The following MYO3B variants were observed in gnomAD, a reference collection of about 807,000 sequenced individuals.
MYO3B encodes myosin IIIB, also known as myosin-IIIb.
Under a neutral mutation model 174.6 loss-of-function variants are expected in MYO3B, and 156 were observed. The observed-to-expected ratio is 0.89, with a 90% CI of 0.78 to 1.02. MYO3B has a LOEUF of 1.02. Among genes scored for constraint, MYO3B ranks in the 50% least tolerant of loss-of-function variants. The pLI is 0.00. For missense variants in MYO3B, 1,632 were observed against 1,639.4 expected (o/e 1.00, Z 0.08); for synonymous variants, 563 against 569.1 (o/e 0.99, Z 0.15).
intron 22 of MYO3B, among the ~76,000 whole-genome samples, chr2:170,442,831 C>G (rs1159570551): frequency 6.6e-6 from 1 of 152,188 alleles, no homozygotes; most frequent in Non-Finnish European, 1.5e-5. Context: ...AGGACATGAA[C>G]TCATCCTTTT....
chr2:170,382,460 A>G (rs1273570149), intron 10 of MYO3B: 1 of 181,434 alleles, frequency 5.5e-6, no homozygotes, highest in African/African-American at 2.3e-5. Context: ...CTTCATAAGA[A>G]AGAGCTTCAT....
At chr2:170,381,986 A>T in intron 9 of MYO3B, 30 bp from the exon 10 acceptor site, 1 of 1,578,406 alleles carries the variant, frequency 6.3e-7, no homozygotes, top group Non-Finnish European at 8.7e-7. Flanking sequence ...TTGCTGTCTT[A>T]ATGCTTAAAC....
chr2:170,432,808 C>CTTG (rs2105888323), intron 22 of MYO3B, among the ~76,000 whole-genome samples: 1 of 152,192 alleles, frequency 6.6e-6, no homozygotes, highest in Non-Finnish European at 1.5e-5. Context: ...ATCTCCTGAC[C>CTTG]TTGTGATCCA....
At chr2:170,382,182 T>G in intron 10 of MYO3B, 70 bp downstream of exon 10, 4 of 1,251,072 alleles carry the variant, frequency 3.2e-6, no homozygotes, top group Non-Finnish European at 4.7e-6. Flanking sequence ...AACTTTCTGT[T>G]GTAGACCATG....
At position 170,653,651 on chromosome 2, in the gene MYO3B, C is replaced by G. The variant is rs1379860333; in HGVS notation, c.*530C>G. On this transcript the variant is annotated 3_prime_UTR_variant, in exon 35 of 35. Coordinates refer to ENST00000408978, the MANE Select transcript of MYO3B (RefSeq NM_138995.5). ...GAGTGCCCCATCCTGGAGGATTGGCCCCAAGATCTCCTAGAACAGGATAAT... is the reference window on the plus strand; with the variant it reads ...GAGTGCCCCATCCTGGAGGATTGGCGCCAAGATCTCCTAGAACAGGATAAT... 1 of 154,418 alleles carries G rather than the reference C, an allele frequency of 6.5e-6. No homozygotes were observed. Among genetic ancestry groups the G allele is most frequent in the Non-Finnish European group, 1.4e-5 (1 of 69,520 alleles). The allele number at this position is 154,418 out of a possible 1,614,324, so 9.6% of individuals were successfully genotyped here. A position where few individuals can be genotyped will look rare whatever the true frequency, so the allele number is the denominator to read the frequency against.
intron 22 of MYO3B, among the ~76,000 whole-genome samples, chr2:170,432,603 G>A (rs190623287): frequency 1.3e-5 from 2 of 149,754 alleles, no homozygotes; most frequent in African/African-American, 4.9e-5. Flanking sequence ...TTGAGACGGA[G>A]TCTTGCTCTG....
At chr2:170,588,589 T>C (rs1212136010) in intron 32 of MYO3B, among the ~76,000 whole-genome samples, 1 of 151,998 alleles carries the variant, frequency 6.6e-6, no homozygotes, top group Non-Finnish European at 1.5e-5. Context: ...ATTTTGCATA[T>C]TGTTGATGAT....
At chr2:170,248,775 C>G (rs2105325582) in intron 7 of MYO3B, among the ~76,000 whole-genome samples, 1 of 152,248 alleles carries the variant, frequency 6.6e-6, no homozygotes, top group East Asian at 1.9e-4. Context: ...GATAATCTTC[C>G]TATTTTGTCA....
intron 30 of MYO3B, among the ~76,000 whole-genome samples, chr2:170,539,995 G>C (rs1229868025): frequency 6.6e-6 from 1 of 152,022 alleles, no homozygotes; most frequent in Non-Finnish European, 1.5e-5. Context: ...ATAGTCTTAT[G>C]GTACACTGCT....
intron 8 of MYO3B, chr2:170,340,271 C>T (rs1331347165): frequency 2.0e-5 from 3 of 152,102 alleles, no homozygotes; most frequent in Non-Finnish European, 4.4e-5. Flanking sequence ...CATCAGTGGT[C>T]CTTGAGCCGA....
At chr2:170,355,296 T>C (rs1457275680) in intron 8 of MYO3B, among the ~76,000 whole-genome samples, 1 of 152,254 alleles carries the variant, frequency 6.6e-6, no homozygotes, top group African/African-American at 2.4e-5. Flanking sequence ...TAAGTTGTTA[T>C]GAAAATCTGG....
In MYO3B at chr2:170,230,789, T is replaced by C. The variant is rs536626715; in HGVS notation, c.604-5202T>C. On this transcript the variant is annotated intron_variant, in intron 6 of 34. Transcript: ENST00000408978. ...ATCTACTATTAACATTTTAGTGCCA[T>C]AGTAAAAGCTGAATAACCAGCATTT... 1.3e-4 allele frequency among the ~76,000 whole-genome samples: 20 copies of C among 152,256 alleles called. No homozygotes were observed. The South Asian group carries it at 3.5e-3, about 27-fold the overall frequency.
chr2:170,568,092 G>C (rs1427507848), intron 32 of MYO3B, among the ~76,000 whole-genome samples: 2 of 152,188 alleles, frequency 1.3e-5, no homozygotes, highest in South Asian at 2.1e-4. Context: ...CTTGATCTCT[G>C]TTTACCAGAC....
chr2:170,646,833 G>A (rs1469252633), intron 32 of MYO3B: 1 of 818,684 alleles, frequency 1.2e-6, no homozygotes. Context: ...TTGTTAAATT[G>A]AAGCTGTTCG....
chr2:170,188,038 T>C (rs1008961781), intron 1 of MYO3B, among the ~76,000 whole-genome samples: 8 of 152,230 alleles, frequency 5.3e-5, no homozygotes, highest in African/African-American at 1.7e-4. Flanking sequence ...TCTGTCTGGA[T>C]GATCTGTTCG....
At chr2:170,187,921 T>TG (rs1242094950) in intron 1 of MYO3B, among the ~76,000 whole-genome samples, 1 of 152,242 alleles carries the variant, frequency 6.6e-6, no homozygotes, top group Non-Finnish European at 1.5e-5. Context: ...ATATATGTGC[T>TG]GGGGAAAATG....
At position 170,214,299 on chromosome 2, in the gene MYO3B, C is replaced by T. The variant is rs541972392; in HGVS notation, c.322-80C>T. 536 of 1,137,998 alleles carry T rather than the reference C, an allele frequency of 4.7e-4. 3 individuals carry two copies. Among genetic ancestry groups the T allele is most frequent in the Non-Finnish European group, 6.4e-4 (493 of 773,330 alleles). The allele number at this position is 1,137,998 out of a possible 1,614,324, so 70.5% of individuals were successfully genotyped here. A position where few individuals can be genotyped will look rare whatever the true frequency, so the allele number is the denominator to read the frequency against. On this transcript the variant is annotated intron_variant, in intron 3 of 34. Coordinates refer to ENST00000408978, the MANE Select transcript of MYO3B (RefSeq NM_138995.5). ...TTTACTACATTGAATCAGTATCAGT[C>T]GGCTTTTCTTAATTTCTTTTTCTTT...
chr2:170,403,125 C>A, intron 19 of MYO3B, 130 bp downstream of exon 19: 1 of 828,574 alleles, frequency 1.2e-6, no homozygotes, highest in Non-Finnish European at 1.7e-6. Context: ...TAAGGCAGTC[C>A]TGGCTAAATA....
chr2:170,568,140 TGACATGGC>T (rs1440763188), intron 32 of MYO3B, among the ~76,000 whole-genome samples: 1 of 152,228 alleles, frequency 6.6e-6, no homozygotes, highest in Non-Finnish European at 1.5e-5. Context: ...ATGTGTGCCA[TGACATGGC>T]AAAGCCTGAA....
Sources: allele counts gnomAD v4.1 joint callset (sites outside exome capture counted in the v4.1 genomes callset), GRCh38; gene constraint gnomAD v4.1.1; transcripts MANE v1.5; gene names NCBI Gene and HGNC (gene_info 2026-07-23, HGNC 2026-07-21).